Variants in CNTN4 observed in about 807,000 individuals in gnomAD.
The protein encoded by CNTN4 is contactin 4.
A neutral mutation model predicts 122.5 loss-of-function variants in CNTN4; 77 were observed. The ratio of observed to expected loss-of-function variants is 0.63; its 90% CI spans 0.52 to 0.76. CNTN4 has a LOEUF of 0.76. CNTN4 is among the 30% of genes least tolerant of loss of function. CNTN4 has a pLI of 0.00. For synonymous variants in CNTN4, 512 were observed against 447.0 expected (o/e 1.15, Z -1.83); for missense variants, 1,256 against 1,259.1 (o/e 1.00, Z 0.04).
chr3:2,256,581 A>G (rs974332079), intron 2 of CNTN4, among the ~76,000 whole-genome samples: 2 of 152,180 alleles, frequency 1.3e-5, no homozygotes, highest in Non-Finnish European at 2.9e-5. Context: ...CACATCAAAA[A>G]TCTTATCCAC....
At chr3:2,895,641 G>C (rs2094100517) in intron 10 of CNTN4, among the ~76,000 whole-genome samples, 1 of 152,232 alleles carries the variant, frequency 6.6e-6, no homozygotes, top group African/African-American at 2.4e-5. Flanking sequence ...CCATAAATAA[G>C]AGTGTGTGAA....
chr3:2,944,173 C>T (rs1301348295), intron 13 of CNTN4, among the ~76,000 whole-genome samples: 4 of 150,878 alleles, frequency 2.7e-5, no homozygotes, highest in Non-Finnish European at 4.4e-5. Flanking sequence ...TTTGGTGTTG[C>T]TTTGTTTGGT....
intron 2 of CNTN4, among the ~76,000 whole-genome samples, chr3:2,125,799 G>A (rs533453731): frequency 2.6e-5 from 4 of 151,658 alleles, no homozygotes; most frequent in South Asian, 2.1e-4. Flanking sequence ...CTCGTGATCC[G>A]CCCGCCTCAG....
intron 4 of CNTN4, among the ~76,000 whole-genome samples, chr3:2,663,641 C>T (rs2084011311): frequency 6.6e-6 from 1 of 152,020 alleles, no homozygotes; most frequent in Non-Finnish European, 1.5e-5. Flanking sequence ...AACCACACAC[C>T]AGAATTTAAA....
intron 6 of CNTN4, among the ~76,000 whole-genome samples, chr3:2,774,553 C>T (rs1431736839): frequency 2.6e-5 from 4 of 152,136 alleles, no homozygotes; most frequent in Non-Finnish European, 5.9e-5. Flanking sequence ...CCATTAGCTC[C>T]TGTGAACTTT....
intron 24 of CNTN4, among the ~76,000 whole-genome samples, chr3:3,054,630 G>T (rs1701613810): frequency 1.3e-5 from 2 of 151,712 alleles, no homozygotes; most frequent in South Asian, 4.2e-4. Context: ...TTTATTTAAA[G>T]AAAAAAAACA....
intron 10 of CNTN4, among the ~76,000 whole-genome samples, chr3:2,895,046 C>T (rs756940503): frequency 3.3e-5 from 5 of 152,076 alleles, no homozygotes; most frequent in African/African-American, 4.8e-5. Context: ...GTCCCCCATG[C>T]TGGAGTACAG....
chr3:2,519,061 C>A (rs1478346739), intron 3 of CNTN4, among the ~76,000 whole-genome samples: 1 of 152,144 alleles, frequency 6.6e-6, no homozygotes, highest in African/African-American at 2.4e-5. Context: ...TTTTGACTCC[C>A]TGTCTCTAGT....
At chr3:2,476,233 G>A (rs1323343995) in intron 3 of CNTN4, among the ~76,000 whole-genome samples, 1 of 152,180 alleles carries the variant, frequency 6.6e-6, no homozygotes, top group Non-Finnish European at 1.5e-5. Flanking sequence ...TTGTGGGCTT[G>A]CACTTTCTGA....
intron 4 of CNTN4, among the ~76,000 whole-genome samples, chr3:2,629,371 G>A (rs1026477657): frequency 2.6e-5 from 4 of 152,210 alleles, no homozygotes; most frequent in African/African-American, 9.7e-5. Flanking sequence ...CTGGAATTGT[G>A]TCACGGCAGC....
chr3:2,773,727 G>A (rs1308763539), intron 6 of CNTN4, among the ~76,000 whole-genome samples: 2 of 148,200 alleles, frequency 1.3e-5, no homozygotes, highest in Admixed American at 1.4e-4. Context: ...CTCTGGCACT[G>A]AGTAATAATG....
rs369426942 is a variant in CNTN4, at chr3:2,165,779, C to T, written c.-145+65140C>T. Among the ~76,000 whole-genome samples the T allele has an allele frequency of 7.9e-5, 12 of 151,994 alleles. 1 individual carries two copies. The East Asian group carries it at 1.2e-3, about 15-fold the overall frequency. ...TGGATTCCACATATAAGTGAGATCA[C>T]GCAGTATTTTTCTTTCTGTGCCTGG... On this transcript the variant is annotated intron_variant, in intron 2 of 24. Coordinates refer to ENST00000418658, the MANE Select transcript of CNTN4 (RefSeq NM_175607.3).
At chr3:2,691,120 G>A (rs2085714780) in intron 4 of CNTN4, among the ~76,000 whole-genome samples, 1 of 152,100 alleles carries the variant, frequency 6.6e-6, no homozygotes, top group Non-Finnish European at 1.5e-5. Flanking sequence ...TAATATGTAT[G>A]GCTTGTCTCT....
At chr3:2,170,699 T>C (rs542511612) in intron 2 of CNTN4, among the ~76,000 whole-genome samples, 2 of 152,244 alleles carry the variant, frequency 1.3e-5, no homozygotes, top group Non-Finnish European at 2.9e-5. Context: ...ACAGAGCCTT[T>C]TGGAAGAGGG....
At chr3:2,728,474 T>C (rs1328452767) in intron 4 of CNTN4, among the ~76,000 whole-genome samples, 2 of 152,058 alleles carry the variant, frequency 1.3e-5, no homozygotes, top group African/African-American at 4.8e-5. Context: ...GAAAGTGAAA[T>C]ATGAGCAGGA....
At chr3:2,251,982 A>T (rs894025967) in intron 2 of CNTN4, among the ~76,000 whole-genome samples, 3 of 151,926 alleles carry the variant, frequency 2.0e-5, no homozygotes, top group African/African-American at 7.2e-5. Flanking sequence ...AGTTTCATTG[A>T]TTTAATTTTA....
At chr3:2,107,920 C>T (rs1378334922) in intron 2 of CNTN4, among the ~76,000 whole-genome samples, 2 of 152,116 alleles carry the variant, frequency 1.3e-5, no homozygotes, top group Admixed American at 6.5e-5. Flanking sequence ...ATAGAGCTCT[C>T]ACTAAATTAT....
chr3:2,142,271 T>G (rs763960209), intron 2 of CNTN4, among the ~76,000 whole-genome samples: 1 of 152,238 alleles, frequency 6.6e-6, no homozygotes, highest in Non-Finnish European at 1.5e-5. Context: ...ATTTCATAAT[T>G]TCTCCAAAAT....
At chr3:2,384,754 ATGTGTGCG>A (rs1553637801) in intron 3 of CNTN4, among the ~76,000 whole-genome samples, 3 of 135,506 alleles carry the variant, frequency 2.2e-5, no homozygotes, top group East Asian at 2.1e-4. Context: ...TAACAACTCA[ATGTGTGCG>A]TGTGTGTGTG....
Sources: gnomAD v4.1 joint callset for allele counts (sites outside exome capture counted in the v4.1 genomes callset) on GRCh38, gnomAD v4.1.1 for gene constraint, MANE v1.5 for transcripts, NCBI Gene and HGNC (gene_info 2026-07-23, HGNC 2026-07-21) for gene names.